Variants in RTL4 observed in about 807,000 individuals in gnomAD.
The protein encoded by RTL4 is retrotransposon Gag-like protein 4.
In RTL4, 4 loss-of-function variants were observed where a neutral mutation model predicts 5.3. That is an observed-to-expected ratio of 0.75 (90% CI 0.37 to 1.72). The LOEUF (loss-of-function observed/expected upper bound fraction) is 1.72. Ranked by LOEUF, RTL4 falls within the 40% of genes most tolerant of loss-of-function variation. The pLI is 0.04. For missense variants in RTL4, 260 were observed against 227.1 expected (o/e 1.14, Z -0.93); for synonymous variants, 98 against 87.3 (o/e 1.12, Z -0.68).
chrX:112,364,348 G>A, the RTL4 span, among the ~76,000 whole-genome samples: 1 of 111,550 alleles, frequency 9.0e-6, no homozygotes, highest in African/African-American at 3.3e-5. Context: ...AAGTCTGACT[G>A]AAATTCCAGT....
the RTL4 span, among the ~76,000 whole-genome samples, chrX:112,409,291 A>G: frequency 5.3e-5 from 6 of 112,555 alleles, no homozygotes; most frequent in Non-Finnish European, 9.4e-5. Flanking sequence ...GTTAAGGTGT[A>G]GAATTTTTAT....
the RTL4 span, among the ~76,000 whole-genome samples, chrX:112,295,244 T>A: frequency 2.7e-5 from 3 of 111,451 alleles, no homozygotes; most frequent in South Asian, 3.9e-4. Context: ...GTATTTTTTT[T>A]ATCTCCCTTC....
the RTL4 span, among the ~76,000 whole-genome samples, chrX:112,222,906 A>G: frequency 8.9e-6 from 1 of 112,331 alleles, no homozygotes; most frequent in Non-Finnish European, 1.9e-5. Flanking sequence ...AATCATTACC[A>G]ATGGTTTCAC....
the RTL4 span, among the ~76,000 whole-genome samples, chrX:112,263,720 A>G: frequency 1.7e-3 from 193 of 111,561 alleles, 1 homozygote; most frequent in East Asian, 0.047. Flanking sequence ...TGTATGGTTT[A>G]CTTAAATTGT....
chrX:112,400,189 T>C, the RTL4 span, among the ~76,000 whole-genome samples: 1 of 111,655 alleles, frequency 9.0e-6, no homozygotes, highest in African/African-American at 3.2e-5. Context: ...TGCTTTCTCC[T>C]CTACTTCAGA....
At chrX:112,118,971 G>A in the RTL4 span, among the ~76,000 whole-genome samples, 5 of 108,456 alleles carry the variant, frequency 4.6e-5, no homozygotes, top group South Asian at 1.2e-3. Flanking sequence ...TACAACCTCC[G>A]CCTCCCAGAC....
chrX:112,220,398 G>A, the RTL4 span, among the ~76,000 whole-genome samples: 1 of 112,753 alleles, frequency 8.9e-6, no homozygotes, highest in Non-Finnish European at 1.9e-5. Flanking sequence ...GCTGCACACA[G>A]TAGGGGGCCC....
At chrX:112,303,843 T>C in the RTL4 span, among the ~76,000 whole-genome samples, 5 of 110,474 alleles carry the variant, frequency 4.5e-5, no homozygotes, top group East Asian at 1.4e-3. Flanking sequence ...ATGTTAATTA[T>C]GCAACATATT....
chrX:112,346,059 CT>C, the RTL4 span, among the ~76,000 whole-genome samples: 1 of 111,965 alleles, frequency 8.9e-6, no homozygotes, highest in Non-Finnish European at 1.9e-5. Context: ...CACACACATA[CT>C]TGCATAGAAA....
the RTL4 span, among the ~76,000 whole-genome samples, chrX:112,123,717 C>G: frequency 1.7e-3 from 191 of 111,963 alleles, 1 homozygote; most frequent in African/African-American, 5.9e-3. Flanking sequence ...GTTACTGTAG[C>G]CTTGTAGTAT....
chrX:112,351,365 T>C, the RTL4 span, among the ~76,000 whole-genome samples: 2 of 109,002 alleles, frequency 1.8e-5, no homozygotes, highest in African/African-American at 3.4e-5. Context: ...TGGAGAGTTC[T>C]GTAGTTGTCT....
chrX:112,399,100 T>A, the RTL4 span, among the ~76,000 whole-genome samples: 1 of 112,093 alleles, frequency 8.9e-6, no homozygotes, highest in Non-Finnish European at 1.9e-5. Context: ...AGCATAAAAA[T>A]GTTCATTATA....
At chrX:112,253,760 C>G in the RTL4 span, among the ~76,000 whole-genome samples, 220 of 112,327 alleles carry the variant, frequency 2.0e-3, 1 homozygote, top group African/African-American at 6.9e-3. Flanking sequence ...AATCTTAGCC[C>G]CTGTTCTAGG....
At chrX:112,231,274 CAT>C in the RTL4 span, among the ~76,000 whole-genome samples, 4 of 110,019 alleles carry the variant, frequency 3.6e-5, no homozygotes, top group African/African-American at 6.6e-5. Flanking sequence ...CACATGCACA[CAT>C]GTTTATTGCG....
the RTL4 span, among the ~76,000 whole-genome samples, chrX:112,433,322 C>T: frequency 3.3e-5 from 3 of 90,802 alleles, no homozygotes; most frequent in Non-Finnish European, 4.4e-5. Flanking sequence ...TTACCTTGGG[C>T]AGTATGGCCA....
chrX:112,282,693 G>A, the RTL4 span, among the ~76,000 whole-genome samples: 2 of 111,480 alleles, frequency 1.8e-5, no homozygotes, highest in East Asian at 5.6e-4. Context: ...AGTTTTCAGT[G>A]CACAGGTCTT....
chrX:112,169,339 C>A, the RTL4 span, among the ~76,000 whole-genome samples: 1 of 109,643 alleles, frequency 9.1e-6, no homozygotes, highest in Admixed American at 9.9e-5. Context: ...GTCTCGAACT[C>A]CTGACCTCAG....
At chrX:112,436,591 G>A in the RTL4 span, among the ~76,000 whole-genome samples, 279 of 111,380 alleles carry the variant, frequency 2.5e-3, no homozygotes, top group African/African-American at 8.7e-3. Flanking sequence ...TGCACAAATC[G>A]ATAGGAGATA....
chrX:112,305,330 T>A, the RTL4 span, among the ~76,000 whole-genome samples: 1 of 95,005 alleles, frequency 1.1e-5, no homozygotes, highest in Non-Finnish European at 2.0e-5. Flanking sequence ...CTAATTTTTG[T>A]ATTTTATTTT....
Sources: allele counts gnomAD v4.1 joint callset (sites outside exome capture counted in the v4.1 genomes callset), GRCh38; gene constraint gnomAD v4.1.1; transcripts MANE v1.5; gene names NCBI Gene and HGNC (gene_info 2026-07-23, HGNC 2026-07-21).